The following CCDC136 variants were observed in gnomAD, a reference collection of about 807,000 sequenced individuals.
CCDC136 encodes coiled-coil domain-containing protein 136.
Under a neutral mutation model 141.2 loss-of-function variants are expected in CCDC136, and 100 were observed. The observed-to-expected ratio is 0.71, with a 90% confidence interval of 0.60 to 0.84. The LOEUF is 0.84. Ranked by LOEUF, CCDC136 falls within the 40% of genes least tolerant of loss-of-function variation. The pLI, the probability that CCDC136 is intolerant of heterozygous loss-of-function variation, is 0.00. For synonymous variants in CCDC136, 474 were observed against 531.9 expected (o/e 0.89, Z 1.50); for missense variants, 1,206 against 1,379.4 (o/e 0.87, Z 1.99).
intron 10 of CCDC136, chr7:128,808,955 A>C (rs966500578): frequency 8.1e-6 from 8 of 985,230 alleles, no homozygotes; most frequent in Non-Finnish European, 9.6e-6. Flanking sequence ...CCAATAGCGC[A>C]TACTTTCTAA....
In CCDC136 at chr7:128,814,782, A is replaced by G; in HGVS notation, c.2908A>G (p.Lys970Glu). The change falls in exon 15 of 18, where the codon AAG becomes GAG. Residue 970 changes from lysine (K) to glutamate (E), a missense_variant. Physicochemically the swap from Lys to Glu is moderately conservative, Grantham distance 56 (BLOSUM62 1). Coordinates refer to ENST00000297788, the MANE Select transcript of CCDC136 (RefSeq NM_022742.5). ...CQEELRQLREKRPSVVKEARG... is the reference protein window; with the variant it reads ...CQEELRQLREERPSVVKEARG... ...GGAGGAGCTCCGCCAGCTCAGGGAG[A>G]AGAGGCCTTCTGTTGTCAAAGAAGC... The G allele has an allele frequency of 3.1e-6, 5 of 1,613,356 alleles. No homozygotes were observed. The highest frequency in any genetic ancestry group is 4.2e-6 in the Non-Finnish European group (5 of 1,179,564).
At chr7:128,797,033 G>A (rs554844842) in intron 3 of CCDC136, among the ~76,000 whole-genome samples, 1 of 152,160 alleles carries the variant, frequency 6.6e-6, no homozygotes, top group African/African-American at 2.4e-5. Context: ...GAGCCACCGC[G>A]CCCGGCCCAG....
Position 128,805,262 on chromosome 7 carries a change from C to A in CCDC136, c.783-97C>A. 1 of 1,037,396 alleles carries A rather than the reference C, an allele frequency of 9.6e-7. No homozygotes were observed. The allele number at this position is 1,037,396 out of a possible 1,614,324, so 64.3% of individuals were successfully genotyped here. A position where few individuals can be genotyped will look rare whatever the true frequency, so the allele number is the denominator to read the frequency against. ...GTCACAATAGAAGGCCCCTTACTAT[C>A]TTTGGCCTAAAATGAAGGTATCAGG... On this transcript the variant is annotated intron_variant, in intron 5 of 17. Coordinates refer to ENST00000297788, the MANE Select transcript of CCDC136 (RefSeq NM_022742.5). This position sits in a 1 kb window ranked among gnomAD's most constrained non-coding sequence, Gnocchi z 4.6.
At chr7:128,791,451 C>T (rs931373918), upstream of CCDC136, 2 of 1,297,628 alleles carry the variant, frequency 1.5e-6, no homozygotes, top group Non-Finnish European at 2.0e-6. This position sits in a 1 kb window ranked among gnomAD's most constrained non-coding sequence, Gnocchi z 7.1. Flanking sequence ...CTCGCGGCTG[C>T]GGCTTCTGCT....
rs532644208 is a variant in CCDC136, at chr7:128,815,868, C to T, written c.3300C>T (p.Asp1100=). The change falls in exon 16 of 18, where the codon GAC becomes GAT. Residue 1100 remains aspartate (D), a synonymous_variant. Transcript: ENST00000297788. ...KEEDSEEEED[D]ADSSLESPEE... ...AAGACAGTGAAGAGGAGGAGGATGA[C>T]GCCGACTCTTCCCTTGAAAGTCCCG... The T allele has an allele frequency of 3.3e-5, 53 of 1,613,904 alleles. No homozygotes were observed. In the African/African-American group the frequency reaches 5.7e-4, roughly 17 times the overall value.
intron 14 of CCDC136, among the ~76,000 whole-genome samples, chr7:128,813,776 T>C (rs1806136075): frequency 6.6e-6 from 1 of 151,650 alleles, no homozygotes; most frequent in Admixed American, 6.6e-5. Context: ...AGGTCAGGAG[T>C]TTGAGACCAG....
intron 3 of CCDC136, among the ~76,000 whole-genome samples, chr7:128,796,069 A>G (rs1200212978): frequency 1.3e-5 from 2 of 152,180 alleles, no homozygotes; most frequent in African/African-American, 4.8e-5. Context: ...TCTGCCTCCC[A>G]GGTTCAAGCG....
Position 128,821,561 on chromosome 7 carries a change from G to A in CCDC136, c.*6-238G>A, listed in dbSNP as rs1359492461. On this transcript the variant is annotated intron_variant, in intron 17 of 17. Transcript: ENST00000297788. This position sits in a 1 kb window ranked among gnomAD's most constrained non-coding sequence, Gnocchi z 5.1. ...ATGGGAGCTAGTATTCTCAGCCCAT[G>A]GGGAGAAACGGAGGCCTGAATACAG... 6.6e-6 allele frequency among the ~76,000 whole-genome samples: 1 copy of A among 152,208 alleles called. No homozygotes were observed. Among genetic ancestry groups the A allele is most frequent in the Non-Finnish European group, 1.5e-5 (1 of 68,048 alleles).
intron 10 of CCDC136, among the ~76,000 whole-genome samples, chr7:128,808,294 C>T (rs764735531): frequency 2.7e-4 from 41 of 152,170 alleles, no homozygotes; most frequent in Non-Finnish European, 5.0e-4. Flanking sequence ...GCCTCGGCCT[C>T]CCAAGGTGCT....
At chr7:128,795,906 A>G (rs1802874262) in intron 3 of CCDC136, among the ~76,000 whole-genome samples, 1 of 152,210 alleles carries the variant, frequency 6.6e-6, no homozygotes, top group Non-Finnish European at 1.5e-5. Flanking sequence ...TAAACAACAC[A>G]AGTTCAGATG....
chr7:128,793,494 A>G (rs769123535), intron 1 of CCDC136, among the ~76,000 whole-genome samples: 30 of 152,226 alleles, frequency 2.0e-4, no homozygotes, highest in Non-Finnish European at 3.1e-4. Context: ...AGTTTGTCCA[A>G]TGAAACCTCT....
rs146835804 is a variant in CCDC136, at chr7:128,810,772, A to G, written c.2028+406A>G. On this transcript the variant is annotated intron_variant, in intron 12 of 17. Coordinates refer to ENST00000297788, the MANE Select transcript of CCDC136 (RefSeq NM_022742.5). ...TCATCTTTTTCTTGAGTGGAAAAGT[A>G]CACTTCTCAGTTATCAAAATCTATC... is the stretch of plus-strand genomic sequence containing the variant. 2.4e-3 allele frequency among the ~76,000 whole-genome samples: 367 copies of G among 152,342 alleles called. 2 individuals carry two copies. The highest frequency in any genetic ancestry group is 4.3e-3 in the Non-Finnish European group (293 of 68,026).
In CCDC136 at chr7:128,801,285, A is replaced by C. The variant is rs200585539; in HGVS notation, c.446A>C (p.Glu149Ala). The stretch of plus-strand genomic sequence containing the variant: ...CAGGAATTGCATTTGGCCCAGGCTG[A>C]GATCCAGAGTCTGCGGCAAGCAGCA... ...IEQELHLAQA[E>A]IQSLRQAAED... Residue 149 changes from glutamate to alanine, a missense_variant, in exon 4 of 18, where the codon GAG becomes GCG. Physicochemically the swap from Glu to Ala is moderately radical, Grantham distance 107. Coordinates refer to ENST00000297788, the MANE Select transcript of CCDC136 (RefSeq NM_022742.5). The C allele has an allele frequency of 6.2e-7, 1 of 1,613,964 alleles. No individual in the cohort carries two copies. Among genetic ancestry groups the C allele is most frequent in the Admixed American group, 1.7e-5 (1 of 60,008 alleles).
intron 1 of CCDC136, among the ~76,000 whole-genome samples, chr7:128,793,573 T>C (rs948750736): frequency 3.3e-5 from 5 of 152,208 alleles, no homozygotes; most frequent in African/African-American, 1.2e-4. Context: ...GGCTGATTTT[T>C]CACAAGCCAC....
chr7:128,805,376 A>C lies in CCDC136; in HGVS notation c.800A>C (p.Glu267Ala), dbSNP rs1804675398. 6.2e-7 allele frequency: 1 copy of C among 1,613,786 alleles called. No individual in the cohort carries two copies. The highest frequency in any genetic ancestry group is 1.3e-5 in the African/African-American group (1 of 74,918). ...AATTGCAGGACACAGAGAGCAACAG[A>C]GAGATGGCTGCAGTCCCAAACACTG... ...LESERTQRAT[E>A]RWLQSQTLSM... The change falls in exon 6 of 18, where the codon GAG becomes GCG. Residue 267 changes from glutamate (E) to alanine (A), a missense_variant. Coordinates refer to ENST00000297788, the MANE Select transcript of CCDC136 (RefSeq NM_022742.5). This position sits in a 1 kb window ranked among gnomAD's most constrained non-coding sequence, Gnocchi z 4.6.
chr7:128,813,159 C>A (rs545700430), intron 14 of CCDC136, among the ~76,000 whole-genome samples: 1 of 152,342 alleles, frequency 6.6e-6, no homozygotes, highest in Non-Finnish European at 1.5e-5. Flanking sequence ...CCCTTTGCCA[C>A]TTCTGTTCTC....
rs762080026 is a variant in CCDC136, at chr7:128,794,682, C to T, written c.272-12C>T. The stretch of plus-strand genomic sequence containing the variant: ...GGATCCGAGCTTGACACTGGTGCCC[C>T]TCTCCCTGCAGGGCTCCTGGAGGAT... On this transcript the variant is annotated splice_polypyrimidine_tract_variant and intron_variant, in intron 2 of 17. Transcript: ENST00000297788. This position sits in a 1 kb window ranked among gnomAD's most constrained non-coding sequence, Gnocchi z 4.3. 5 of 1,549,084 alleles carry T rather than the reference C, an allele frequency of 3.2e-6. No homozygotes were observed. In the South Asian group the frequency reaches 6.0e-5, roughly 18 times the overall value.
Position 128,817,734 on chromosome 7 carries a change from CT to C in CCDC136, c.3364-21del, listed in dbSNP as rs758662646. ...CATCTCCTGGTCTCTCCTCGTGCTTCTTTCTCATTTTGGTGTGTTGCAGTCA... is the reference window on the plus strand; with the variant it reads ...CATCTCCTGGTCTCTCCTCGTGCTTCTTCTCATTTTGGTGTGTTGCAGTCA... On this transcript the variant is annotated intron_variant, in intron 16 of 17. Coordinates refer to ENST00000297788, the MANE Select transcript of CCDC136 (RefSeq NM_022742.5). This position sits in a 1 kb window ranked among gnomAD's most constrained non-coding sequence, Gnocchi z 4.6. 3 of 1,527,086 alleles carry C rather than the reference CT, an allele frequency of 2.0e-6. 1 individual carries two copies. The Admixed American group carries it at 5.0e-5, about 25-fold the overall frequency. The allele number at this position is 1,527,086 out of a possible 1,614,324, so 94.6% of individuals were successfully genotyped here.
chr7:128,801,795 TA>T (rs1410189301), intron 4 of CCDC136, among the ~76,000 whole-genome samples: 1 of 152,152 alleles, frequency 6.6e-6, no homozygotes, highest in Non-Finnish European at 1.5e-5. Context: ...ATAAAAATTT[TA>T]AAAAGACAGT....
Sources: gnomAD v4.1 joint callset for allele counts (sites outside exome capture counted in the v4.1 genomes callset) on GRCh38, gnomAD v4.1.1 for gene constraint, Gnocchi (gnomAD v3.1) non-coding constraint, MANE v1.5 for transcripts, NCBI Gene and HGNC (gene_info 2026-07-23, HGNC 2026-07-21) for gene names.